Variants in PTPRO observed in about 807,000 individuals in gnomAD.
PTPRO encodes the protein protein tyrosine phosphatase receptor type O, also known as receptor-type tyrosine-protein phosphatase O.
Under a neutral mutation model 145.2 loss-of-function variants are expected in PTPRO, and 62 were observed. The ratio of observed to expected loss-of-function variants is 0.43; its 90% confidence interval spans 0.35 to 0.53. The LOEUF is 0.53. Among genes scored for constraint, PTPRO ranks in the 20% least tolerant of loss-of-function variants. The pLI, the probability that PTPRO is intolerant of heterozygous loss-of-function variation, is 0.01. For synonymous variants in PTPRO, 565 were observed against 514.7 expected (o/e 1.10, Z -1.32); for missense variants, 1,345 against 1,482.7 (o/e 0.91, Z 1.53).
Position 15,333,668 on chromosome 12 carries a change from G to A in PTPRO, c.75+10867G>A, listed in dbSNP as rs147142283. On this transcript the variant is annotated intron_variant, in intron 1 of 26. Transcript: ENST00000281171. Reference sequence around the variant, plus strand: ...TATCAGGCAGGCGCCACTGAGTCGGGCTGGGGAGGCAGTGGCACCAGGGTG... The same window carrying A: ...TATCAGGCAGGCGCCACTGAGTCGGACTGGGGAGGCAGTGGCACCAGGGTG... Among the ~76,000 whole-genome samples, 24 of 152,334 alleles carry A rather than the reference G, an allele frequency of 1.6e-4. No individual in the cohort carries two copies. In the East Asian group the frequency reaches 4.6e-3, roughly 29 times the overall value.
At chr12:15,548,008 T>C (rs759379561) in intron 13 of PTPRO, among the ~76,000 whole-genome samples, 53 of 152,198 alleles carry the variant, frequency 3.5e-4, no homozygotes, top group Non-Finnish European at 7.1e-4. Flanking sequence ...AAATGTTTCT[T>C]AGTGCGGATA....
intron 1 of PTPRO, among the ~76,000 whole-genome samples, chr12:15,464,887 A>T (rs1941384079): frequency 1.3e-5 from 2 of 152,314 alleles, no homozygotes; most frequent in South Asian, 4.1e-4. Flanking sequence ...TGTCATTAGA[A>T]CTTGTACCAT....
At chr12:15,581,075 A>G (rs1356806371) in intron 22 of PTPRO, among the ~76,000 whole-genome samples, 1 of 152,162 alleles carries the variant, frequency 6.6e-6, no homozygotes, top group Non-Finnish European at 1.5e-5. Flanking sequence ...AATATTGCAT[A>G]TTGTTTTGCA....
At chr12:15,404,172 A>G (rs1018247836) in intron 1 of PTPRO, among the ~76,000 whole-genome samples, 7 of 147,966 alleles carry the variant, frequency 4.7e-5, no homozygotes, top group African/African-American at 7.6e-5. Flanking sequence ...CTGGGCAACA[A>G]AGCAAGACCC....
chr12:15,416,305 T>TTCTC (rs1010264179), intron 1 of PTPRO, among the ~76,000 whole-genome samples: 2 of 144,408 alleles, frequency 1.4e-5, no homozygotes, highest in Non-Finnish European at 3.0e-5. Flanking sequence ...TGGTTCCTCT[T>TTCTC]TCTCTCTCTC....
At position 15,513,180 on chromosome 12, in the gene PTPRO, A is replaced by T. The variant is rs1420674685; in HGVS notation, c.1465-2318A>T. On this transcript the variant is annotated intron_variant, in intron 7 of 26. Transcript: ENST00000281171. The stretch of plus-strand genomic sequence containing the variant: ...GAAAAAGAAAGAAAGAAAGAAAGAA[A>T]GAAAGAAAGAAAGAAAGAAAGAAAG... 7.6e-3 allele frequency among the ~76,000 whole-genome samples: 799 copies of T among 104,890 alleles called. 71 individuals carry two copies. Among genetic ancestry groups the T allele is most frequent in the African/African-American group, 0.029 (712 of 24,450 alleles). The allele number at this position is 104,890 out of a possible 152,430, so 68.8% of individuals were successfully genotyped here. A position where few individuals can be genotyped will look rare whatever the true frequency, so the allele number is the denominator to read the frequency against.
intron 1 of PTPRO, among the ~76,000 whole-genome samples, chr12:15,477,519 T>C (rs1941682687): frequency 6.6e-6 from 1 of 152,050 alleles, no homozygotes; most frequent in South Asian, 2.1e-4. Flanking sequence ...AAATGCATTG[T>C]ATTCCCCACA....
Position 15,516,909 on chromosome 12 carries a change from A to T in PTPRO, c.1732A>T (p.Thr578Ser). The change falls in exon 9 of 27, where the codon ACC becomes TCC. Residue 578 changes from threonine (T) to serine (S), a missense_variant. This residue lies in a region of PTPRO where 1,130 missense variants were observed against 1,214.7 expected (regional missense o/e 0.93). Transcript: ENST00000281171. ...FNPATMTSEW[T>S]TYYEIAATVS... ...CCCTGCTACAATGACATCAGAGTGGACCACCTACTATGAAATAGCAGCAAC... is the reference window on the plus strand; with the variant it reads ...CCCTGCTACAATGACATCAGAGTGGTCCACCTACTATGAAATAGCAGCAAC... 1 of 1,613,994 alleles carries T rather than the reference A, an allele frequency of 6.2e-7. No individual in the cohort carries two copies. Among genetic ancestry groups the T allele is most frequent in the Non-Finnish European group, 8.5e-7 (1 of 1,179,858 alleles).
chr12:15,429,206 G>T (rs1470965643), intron 1 of PTPRO, among the ~76,000 whole-genome samples: 1 of 152,112 alleles, frequency 6.6e-6, no homozygotes, highest in African/African-American at 2.4e-5. Flanking sequence ...CACTGTGCTG[G>T]GGCTTGAGAT....
chr12:15,492,876 G>T (rs1039873171), intron 2 of PTPRO, among the ~76,000 whole-genome samples: 1 of 152,056 alleles, frequency 6.6e-6, no homozygotes, highest in Non-Finnish European at 1.5e-5. Flanking sequence ...AAAAGAAGGA[G>T]GGAATGGTGG....
chr12:15,415,868 T>C (rs563691012), intron 1 of PTPRO, among the ~76,000 whole-genome samples: 4 of 151,890 alleles, frequency 2.6e-5, no homozygotes, highest in African/African-American at 7.3e-5. Context: ...AAACATGTCC[T>C]TTTTGCTACA....
intron 12 of PTPRO, among the ~76,000 whole-genome samples, chr12:15,536,847 A>C (rs1943075700): frequency 6.6e-6 from 1 of 152,184 alleles, no homozygotes; most frequent in African/African-American, 2.4e-5. Flanking sequence ...GATAAATTAC[A>C]TGGTCACCTT....
At chr12:15,515,356 G>T in intron 7 of PTPRO, 142 bp from the exon 8 acceptor site, 1 of 1,089,438 alleles carries the variant, frequency 9.2e-7, no homozygotes, top group Non-Finnish European at 1.4e-6. Flanking sequence ...CCTAATTTTG[G>T]AATCTGACAG....
intron 15 of PTPRO, among the ~76,000 whole-genome samples, chr12:15,556,115 C>T (rs1449581556): frequency 2.6e-5 from 4 of 152,176 alleles, no homozygotes; most frequent in Admixed American, 2.6e-4. Flanking sequence ...CCTTTTCCCA[C>T]ATATGTTCAT....
At chr12:15,570,894 T>C (rs1409498091) in intron 19 of PTPRO, among the ~76,000 whole-genome samples, 1 of 152,166 alleles carries the variant, frequency 6.6e-6, no homozygotes, top group African/African-American at 2.4e-5. Flanking sequence ...ACAGTTTATG[T>C]CTTGAAACCC....
rs565477624 is a variant in PTPRO at position 15,390,042 on chromosome 12, A to T, written c.75+67241A>T. 2.0e-5 allele frequency among the ~76,000 whole-genome samples: 3 copies of T among 152,332 alleles called. No homozygotes were observed. The South Asian group carries it at 6.2e-4, about 32-fold the overall frequency. On this transcript the variant is annotated intron_variant, in intron 1 of 26. Transcript: ENST00000281171. ...GTTTTGACCAGGGAAGGAGAAAAAA[A>T]AATTCAAATCATGCTATTGATGAGC...
At chr12:15,422,307 A>G (rs979432805) in intron 1 of PTPRO, among the ~76,000 whole-genome samples, 4 of 152,146 alleles carry the variant, frequency 2.6e-5, no homozygotes, top group African/African-American at 9.7e-5. Context: ...GTTTCAGGGC[A>G]TTTGAGGCAA....
At chr12:15,343,194 C>A (rs1867063601) in intron 1 of PTPRO, among the ~76,000 whole-genome samples, 1 of 151,774 alleles carries the variant, frequency 6.6e-6, no homozygotes, top group African/African-American at 2.4e-5. Context: ...TGCTTGTAAA[C>A]GTTTTGAAAT....
Position 15,482,457 on chromosome 12 carries a change from A to G in PTPRO, c.76-1517A>G, listed in dbSNP as rs1448081642. The stretch of plus-strand genomic sequence containing the variant: ...CAGGAGGAATACGTTCTAATGCTCT[A>G]TAGTACTATAGGGGGACTATATTGA... On this transcript the variant is annotated intron_variant, in intron 1 of 26. Coordinates refer to ENST00000281171, the MANE Select transcript of PTPRO (RefSeq NM_030667.3). Among the ~76,000 whole-genome samples, 19 of 152,108 alleles carry G rather than the reference A, an allele frequency of 1.2e-4. 1 individual carries two copies.
Sources: gnomAD v4.1 joint callset for allele counts (sites outside exome capture counted in the v4.1 genomes callset) on GRCh38, gnomAD v4.1.1 for gene constraint, gnomAD v4.1.1 regional missense constraint, MANE v1.5 for transcripts, NCBI Gene and HGNC (gene_info 2026-07-23, HGNC 2026-07-21) for gene names.